The following PPARGC1A variants were observed in gnomAD, a reference collection of about 807,000 sequenced individuals.
The protein encoded by PPARGC1A is PPARG coactivator 1 alpha.
A neutral mutation model predicts 88.7 loss-of-function variants in PPARGC1A; 25 were observed. That is an observed-to-expected ratio of 0.28 (90% CI 0.21 to 0.39). PPARGC1A has a LOEUF of 0.39. PPARGC1A is among the 10% of genes least tolerant of loss of function. The pLI is 1.00. For missense variants in PPARGC1A, 880 were observed against 968.7 expected (o/e 0.91, Z 1.22); for synonymous variants, 363 against 355.6 (o/e 1.02, Z -0.24).
chr4:24,060,910 A>G, the PPARGC1A span, among the ~76,000 whole-genome samples: 14 of 152,196 alleles, frequency 9.2e-5, no homozygotes, highest in African/African-American at 3.1e-4. Context: ...TGGGAGTTCT[A>G]TATAATACCT....
chr4:24,019,124 C>T, the PPARGC1A span, among the ~76,000 whole-genome samples: 1 of 152,072 alleles, frequency 6.6e-6, no homozygotes, highest in Non-Finnish European at 1.5e-5. Context: ...ACACAATAGC[C>T]CTTGTACCTA....
the PPARGC1A span, among the ~76,000 whole-genome samples, chr4:24,448,725 G>T: frequency 6.6e-6 from 1 of 152,104 alleles, no homozygotes; most frequent in African/African-American, 2.4e-5. Context: ...TTTCCAGGGA[G>T]ACCTCCTGTG....
Position 23,859,440 on chromosome 4 carries a change from G to A in PPARGC1A, c.234+25312C>T, listed in dbSNP as rs925932687. 3.3e-5 allele frequency among the ~76,000 whole-genome samples: 5 copies of A among 152,096 alleles called. 1 individual carries two copies. The highest frequency in any genetic ancestry group is 2.9e-5 in the Non-Finnish European group (2 of 68,034). ...GGAGAGAAGATGTATTCAAAGAAGA[G>A]GGAAGGAAATTGGGAGACTGCAAAG... is the stretch of plus-strand genomic sequence containing the variant. On this transcript the variant is annotated intron_variant, in intron 2 of 12. Coordinates refer to ENST00000264867, the MANE Select transcript of PPARGC1A (RefSeq NM_013261.5).
the PPARGC1A span, among the ~76,000 whole-genome samples, chr4:23,915,050 C>G: frequency 2.6e-5 from 4 of 152,086 alleles, no homozygotes; most frequent in African/African-American, 9.7e-5. Flanking sequence ...CAAGGAAGTT[C>G]CATAAAACTT....
chr4:24,471,324 AC>A, the PPARGC1A span, among the ~76,000 whole-genome samples: 1 of 150,738 alleles, frequency 6.6e-6, no homozygotes, highest in African/African-American at 2.4e-5. The surrounding 1 kb of genome is among the most constrained non-coding windows in gnomAD (Gnocchi z 5.4). Context: ...GCGCACACCC[AC>A]ACACAGACAC....
the PPARGC1A span, among the ~76,000 whole-genome samples, chr4:23,959,217 A>G: frequency 6.6e-6 from 1 of 152,112 alleles, no homozygotes; most frequent in Non-Finnish European, 1.5e-5. Context: ...CAATGGAGTC[A>G]ACATGAGGAG....
At chr4:24,333,596 G>A in the PPARGC1A span, among the ~76,000 whole-genome samples, 336 of 152,274 alleles carry the variant, frequency 2.2e-3, no homozygotes, top group African/African-American at 7.7e-3. Context: ...TGAGCCTCTA[G>A]TCTGTGGTTT....
the PPARGC1A span, among the ~76,000 whole-genome samples, chr4:24,434,669 G>A: frequency 6.6e-6 from 1 of 152,178 alleles, no homozygotes; most frequent in Non-Finnish European, 1.5e-5. Context: ...CCTGTTCTGT[G>A]ATCTCCATGG....
At chr4:23,832,369 A>T (rs891070862) in intron 2 of PPARGC1A, among the ~76,000 whole-genome samples, 1 of 152,114 alleles carries the variant, frequency 6.6e-6, no homozygotes, top group Non-Finnish European at 1.5e-5. Context: ...CTTCTACTTC[A>T]TAATAGCTCC....
intron 2 of PPARGC1A, among the ~76,000 whole-genome samples, chr4:23,869,618 A>G (rs1712835652): frequency 1.5e-5 from 2 of 129,630 alleles, no homozygotes; most frequent in South Asian, 5.0e-4. Context: ...CTGTTTTGAA[A>G]GCTCTAAGGT....
At chr4:23,949,560 G>A in the PPARGC1A span, among the ~76,000 whole-genome samples, 34 of 152,260 alleles carry the variant, frequency 2.2e-4, no homozygotes, top group East Asian at 1.2e-3. Flanking sequence ...GTGATCACTC[G>A]TTCCATCTGT....
At chr4:24,123,917 A>AAC in the PPARGC1A span, among the ~76,000 whole-genome samples, 1 of 151,552 alleles carries the variant, frequency 6.6e-6, no homozygotes. Flanking sequence ...TGGCAAAAAA[A>AAC]AAAAAAAACA....
chr4:23,909,959 A>G, the PPARGC1A span, among the ~76,000 whole-genome samples: 7 of 150,864 alleles, frequency 4.6e-5, no homozygotes, highest in East Asian at 6.1e-4. Context: ...GCTCTCAACC[A>G]GGTGGCAGAA....
At chr4:24,182,813 A>AT in the PPARGC1A span, among the ~76,000 whole-genome samples, 2 of 152,216 alleles carry the variant, frequency 1.3e-5, no homozygotes, top group South Asian at 4.1e-4. Flanking sequence ...AAGTCACCTG[A>AT]TAAAAAGTTC....
At chr4:23,899,961 AAG>A (rs1719095786), upstream of PPARGC1A, among the ~76,000 whole-genome samples, 1 of 152,168 alleles carries the variant, frequency 6.6e-6, no homozygotes, top group African/African-American at 2.4e-5. Flanking sequence ...ATAGAAAAGA[AAG>A]AGAAATAAAT....
At chr4:24,196,737 C>T in the PPARGC1A span, among the ~76,000 whole-genome samples, 3 of 152,186 alleles carry the variant, frequency 2.0e-5, no homozygotes, top group African/African-American at 7.2e-5. Flanking sequence ...TAGTCCATCT[C>T]AAATGCTAAA....
At chr4:23,997,272 AG>A in the PPARGC1A span, among the ~76,000 whole-genome samples, 4 of 152,152 alleles carry the variant, frequency 2.6e-5, no homozygotes, top group African/African-American at 4.8e-5. Flanking sequence ...GAAAAAAAGA[AG>A]GAAGGCAAAA....
intron 7 of PPARGC1A, among the ~76,000 whole-genome samples, chr4:23,823,069 A>G (rs1481304569): frequency 6.6e-6 from 1 of 152,052 alleles, no homozygotes; most frequent in African/African-American, 2.4e-5. Context: ...ATTATGTAAG[A>G]TGGTAAAATC....
chr4:24,079,485 G>T, the PPARGC1A span, among the ~76,000 whole-genome samples: 12 of 151,992 alleles, frequency 7.9e-5, no homozygotes, highest in South Asian at 6.2e-4. Flanking sequence ...ATTTGTATGA[G>T]ATCTTCATTT....
Sources: gnomAD v4.1 joint callset for allele counts (sites outside exome capture counted in the v4.1 genomes callset) on GRCh38, gnomAD v4.1.1 for gene constraint, Gnocchi (gnomAD v3.1) non-coding constraint, MANE v1.5 for transcripts, NCBI Gene and HGNC (gene_info 2026-07-23, HGNC 2026-07-21) for gene names.